Variants in TENM2 observed in about 807,000 individuals in gnomAD.
The protein encoded by TENM2 is teneurin-2.
A neutral mutation model predicts 245.2 loss-of-function variants in TENM2; 52 were observed. The ratio of observed to expected loss-of-function variants is 0.21; its 90% CI spans 0.17 to 0.27. The LOEUF (loss-of-function observed/expected upper bound fraction) is 0.27, where lower values mean the gene tolerates loss of function less well. Among genes scored for constraint, TENM2 ranks in the 10% least tolerant of loss-of-function variants. The pLI is 1.00. For missense variants in TENM2, 3,046 were observed against 3,666.8 expected, an observed-to-expected ratio of 0.83 and a Z score of 4.37; for synonymous variants, 1,363 against 1,438.9, an observed-to-expected ratio of 0.95 and a Z score of 1.19.
At chr5:167,859,282 C>G (rs1290628417) in intron 2 of TENM2, among the ~76,000 whole-genome samples, 3 of 121,874 alleles carry the variant, frequency 2.5e-5, no homozygotes, top group Non-Finnish European at 5.4e-5. Flanking sequence ...GGCAGCTGCC[C>G]CGTCTGAGAA....
chr5:168,007,268 A>G (rs1317192585), intron 5 of TENM2, among the ~76,000 whole-genome samples: 1 of 152,050 alleles, frequency 6.6e-6, no homozygotes, highest in Non-Finnish European at 1.5e-5. Context: ...AGCTGGGATT[A>G]CAGGCGCCCG....
intron 2 of TENM2, among the ~76,000 whole-genome samples, chr5:167,485,360 TTTACTTATTTTGTTGGACTG>T (rs1767994985): frequency 6.6e-6 from 1 of 152,188 alleles, no homozygotes; most frequent in Non-Finnish European, 1.5e-5. Context: ...CATTATAGCT[TTTACTTATTTTGTTGGACTG>T]TTATTTTCAA....
At chr5:168,004,509 GCGCGCGCGCACACA>G (rs1562040599) in intron 5 of TENM2, among the ~76,000 whole-genome samples, 15,635 of 113,300 alleles carry the variant, frequency 0.14, 949 homozygotes, top group East Asian at 0.35. Flanking sequence ...GCACGCATGC[GCGCGCGCGCACACA>G]CACACACACA....
At chr5:167,889,549 C>T (rs1774575593) in intron 3 of TENM2, among the ~76,000 whole-genome samples, 1 of 152,112 alleles carries the variant, frequency 6.6e-6, no homozygotes, top group Non-Finnish European at 1.5e-5. Context: ...ACCCACCCCC[C>T]TTTCACTCTG....
chr5:167,736,017 A>G (rs4869068), intron 2 of TENM2, among the ~76,000 whole-genome samples: 15,980 of 152,234 alleles, frequency 0.1, 1,441 homozygotes, highest in East Asian at 0.45. Flanking sequence ...CACACTGCTA[A>G]TAAAGACATA....
chr5:167,238,101 C>A, the TENM2 span, among the ~76,000 whole-genome samples: 1 of 150,566 alleles, frequency 6.6e-6, no homozygotes, highest in East Asian at 2.0e-4. Flanking sequence ...GACTCTGAGT[C>A]AAAGATAATG....
At chr5:167,519,408 G>GAATATTAAGGGTACT (rs1770610840) in intron 2 of TENM2, among the ~76,000 whole-genome samples, 1 of 151,960 alleles carries the variant, frequency 6.6e-6, no homozygotes, top group Admixed American at 6.6e-5. Context: ...TATATAGTAG[G>GAATATTAAGGGTACT]AATATTAAGG....
chr5:167,058,421 T>G, the TENM2 span, among the ~76,000 whole-genome samples: 1 of 152,232 alleles, frequency 6.6e-6, no homozygotes, highest in African/African-American at 2.4e-5. Context: ...ACTTAAAAAC[T>G]TTAAATAGCT....
the TENM2 span, among the ~76,000 whole-genome samples, chr5:167,132,162 C>CTGCTT: frequency 6.6e-6 from 1 of 152,078 alleles, no homozygotes; most frequent in Admixed American, 6.6e-5. Flanking sequence ...GTTTTTGCTG[C>CTGCTT]TGCTTTGCTT....
At chr5:167,709,484 A>T (rs764545342) in intron 2 of TENM2, among the ~76,000 whole-genome samples, 1 of 152,228 alleles carries the variant, frequency 6.6e-6, no homozygotes, top group African/African-American at 2.4e-5. Flanking sequence ...TCTAATGTCC[A>T]CAACACTTAT....
In TENM2 at chr5:167,485,080, G is replaced by A. The variant is rs528917719; in HGVS notation, c.502+109607G>A. Among the ~76,000 whole-genome samples, 6 of 152,230 alleles carry A rather than the reference G, an allele frequency of 3.9e-5. No homozygotes were observed. In the East Asian group the frequency reaches 7.7e-4, roughly 20 times the overall value. ...GCTTAGGTCTCTTAAAATATCTCCC[G>A]AGGGTTGAGGTCTTCATCCAGCCGG... On this transcript the variant is annotated intron_variant, in intron 2 of 28. Transcript: ENST00000518659.
chr5:168,189,092 G>A (rs181157142), intron 13 of TENM2, among the ~76,000 whole-genome samples: 3 of 152,318 alleles, frequency 2.0e-5, no homozygotes. Context: ...GGCAGAAAGA[G>A]TACTGAAGTG....
At chr5:168,017,135 A>G (rs1316951284) in intron 5 of TENM2, among the ~76,000 whole-genome samples, 2 of 152,198 alleles carry the variant, frequency 1.3e-5, no homozygotes, top group South Asian at 2.1e-4. Context: ...GGGACCACTC[A>G]TCATTTCACC....
the TENM2 span, among the ~76,000 whole-genome samples, chr5:167,117,872 C>T: frequency 6.6e-6 from 1 of 150,524 alleles, no homozygotes; most frequent in Non-Finnish European, 1.5e-5. Context: ...TCGAATGTCC[C>T]CATGAGACAA....
chr5:167,560,289 G>A (rs146071275), intron 2 of TENM2, among the ~76,000 whole-genome samples: 22 of 152,206 alleles, frequency 1.4e-4, no homozygotes, highest in African/African-American at 4.8e-4. Flanking sequence ...CTCTCTTACT[G>A]CATTTTACCT....
intron 1 of TENM2, among the ~76,000 whole-genome samples, chr5:167,367,662 A>G (rs1470616321): frequency 2.0e-5 from 3 of 152,082 alleles, no homozygotes; most frequent in African/African-American, 7.2e-5. Context: ...TAAAAATAAT[A>G]TTTTAGATAA....
the TENM2 span, among the ~76,000 whole-genome samples, chr5:167,181,382 C>T: frequency 3.3e-3 from 492 of 149,682 alleles, no homozygotes; most frequent in Non-Finnish European, 5.6e-3. Flanking sequence ...TTCATTCTTT[C>T]TTTTGAATCA....
At chr5:167,989,630 A>C (rs1783520297) in intron 4 of TENM2, among the ~76,000 whole-genome samples, 1 of 152,180 alleles carries the variant, frequency 6.6e-6, no homozygotes, top group South Asian at 2.1e-4. Context: ...ACGGATTTGC[A>C]AGCCAGAGCA....
intron 6 of TENM2, among the ~76,000 whole-genome samples, chr5:168,050,111 C>A (rs1434968591): frequency 6.6e-6 from 1 of 152,144 alleles, no homozygotes; most frequent in Non-Finnish European, 1.5e-5. Flanking sequence ...CAGAGACAGA[C>A]AAAATGTTTG....
Sources: allele counts gnomAD v4.1 joint callset (sites outside exome capture counted in the v4.1 genomes callset), GRCh38; gene constraint gnomAD v4.1.1; transcripts MANE v1.5; gene names NCBI Gene and HGNC (gene_info 2026-07-23, HGNC 2026-07-21).